Variants in INPP5A observed in about 807,000 individuals in gnomAD.
The protein encoded by INPP5A is inositol polyphosphate-5-phosphatase A.
INPP5A carries 14 observed loss-of-function variants against 65.2 expected under a neutral mutation model. That is an observed-to-expected ratio of 0.21 (90% confidence interval 0.14 to 0.34). The LOEUF is 0.34. Among genes scored for constraint, INPP5A ranks in the 10% least tolerant of loss-of-function variants. The pLI is 1.00. For synonymous variants in INPP5A, 207 were observed against 208.3 expected, an observed-to-expected ratio of 0.99 and a Z score of 0.05; for missense variants, 431 against 545.6, an observed-to-expected ratio of 0.79 and a Z score of 2.09.
chr10:132,761,065 A>C (rs1846724222), intron 11 of INPP5A, among the ~76,000 whole-genome samples: 1 of 152,228 alleles, frequency 6.6e-6, no homozygotes, highest in Non-Finnish European at 1.5e-5. Context: ...TTGGATTCTT[A>C]GACTAAAAAT....
At chr10:132,740,335 G>A (rs1002583234) in intron 9 of INPP5A, among the ~76,000 whole-genome samples, 8 of 152,180 alleles carry the variant, frequency 5.3e-5, no homozygotes, top group Non-Finnish European at 1.2e-4. Flanking sequence ...GCAGTGGTCC[G>A]GACCCTCAGG....
chr10:132,757,274 C>T (rs1846640146), intron 11 of INPP5A, among the ~76,000 whole-genome samples: 1 of 152,240 alleles, frequency 6.6e-6, no homozygotes, highest in Non-Finnish European at 1.5e-5. Context: ...CCCGCTCACC[C>T]CCGCCCGCTC....
At chr10:132,736,430 G>A (rs1846177527) in intron 9 of INPP5A, among the ~76,000 whole-genome samples, 1 of 152,254 alleles carries the variant, frequency 6.6e-6, no homozygotes, top group South Asian at 2.1e-4. Flanking sequence ...ACAGGTACAT[G>A]CTCAGGTGCC....
chr10:132,571,299 G>A (rs554427020), intron 1 of INPP5A, among the ~76,000 whole-genome samples: 196 of 152,364 alleles, frequency 1.3e-3, no homozygotes, highest in African/African-American at 4.1e-3. Context: ...GGCCATTGGC[G>A]CAAGGACACA....
At chr10:132,643,663 C>T (rs529250119) in intron 2 of INPP5A, among the ~76,000 whole-genome samples, 3 of 152,224 alleles carry the variant, frequency 2.0e-5, no homozygotes, top group Non-Finnish European at 4.4e-5. Flanking sequence ...TCAGCCTGGC[C>T]CAGGTCTGAG....
rs2134647119 is a variant in INPP5A at position 132,753,455 on chromosome 10, TTGTA to T, written c.903+3612_903+3615del. ...TCAGGCTGGCTCCTGAAAATAATTA[TTGTA>T]TTTTAAGAGTAGTAATCATTGGCCG... is the stretch of plus-strand genomic sequence containing the variant. On this transcript the variant is annotated intron_variant, in intron 11 of 15. Transcript: ENST00000368594. The surrounding 1 kb of genome is among the most constrained non-coding windows in gnomAD (Gnocchi z 5.3). Among the ~76,000 whole-genome samples the T allele has an allele frequency of 6.6e-6, 1 of 152,342 alleles. No homozygotes were observed. Among genetic ancestry groups the T allele is most frequent in the South Asian group, 2.1e-4 (1 of 4,830 alleles).
At chr10:132,732,444 G>T (rs189035619) in intron 9 of INPP5A, among the ~76,000 whole-genome samples, 1 of 152,358 alleles carries the variant, frequency 6.6e-6, no homozygotes, top group East Asian at 1.9e-4. Flanking sequence ...ATGATGTGTA[G>T]TGTAGAGTTC....
At chr10:132,598,597 G>A (rs1344354468) in intron 1 of INPP5A, among the ~76,000 whole-genome samples, 1 of 152,210 alleles carries the variant, frequency 6.6e-6, no homozygotes, top group Non-Finnish European at 1.5e-5. Flanking sequence ...TATGTGGATA[G>A]ACCACAATTG....
chr10:132,778,249 C>T (rs1028092285), intron 13 of INPP5A, among the ~76,000 whole-genome samples: 18 of 145,206 alleles, frequency 1.2e-4, no homozygotes, highest in African/African-American at 4.3e-4. Flanking sequence ...TTTCAGATGG[C>T]CTGGGCCTTG....
chr10:132,649,473 G>A (rs2072543533), intron 3 of INPP5A, among the ~76,000 whole-genome samples: 1 of 152,226 alleles, frequency 6.6e-6, no homozygotes. Flanking sequence ...TTTAGTGTTT[G>A]AGCCCTGTTT....
At chr10:132,763,780 C>T (rs181057343) in intron 11 of INPP5A, among the ~76,000 whole-genome samples, 28 of 151,816 alleles carry the variant, frequency 1.8e-4, no homozygotes, top group South Asian at 4.2e-4. Context: ...CACACATAAA[C>T]ACATGCCTGC....
At chr10:132,667,294 G>A (rs2072817659) in intron 4 of INPP5A, among the ~76,000 whole-genome samples, 2 of 152,162 alleles carry the variant, frequency 1.3e-5, no homozygotes, top group South Asian at 2.1e-4. Flanking sequence ...ATTTAAAGGG[G>A]CTTCAAAAGA....
intron 11 of INPP5A, among the ~76,000 whole-genome samples, chr10:132,755,364 A>G (rs1251670242): frequency 1.3e-5 from 2 of 149,426 alleles, no homozygotes; most frequent in African/African-American, 2.5e-5. Context: ...GCAGACATGC[A>G]TATGAGTGGG....
intron 8 of INPP5A, among the ~76,000 whole-genome samples, chr10:132,717,724 C>A (rs1479027376): frequency 1.4e-5 from 2 of 144,366 alleles, no homozygotes; most frequent in African/African-American, 5.3e-5. Flanking sequence ...TCTGTCTGGG[C>A]GCCTTAGACA....
rs1413809497 is a variant in INPP5A at position 132,651,452 on chromosome 10, G to T, written c.306+947G>T. Among the ~76,000 whole-genome samples, 10 of 141,260 alleles carry T rather than the reference G, an allele frequency of 7.1e-5. No individual in the cohort carries two copies. The highest frequency in any genetic ancestry group is 2.1e-4 in the Admixed American group (3 of 14,508). The allele number at this position is 141,260 out of a possible 152,430, so 92.7% of individuals were successfully genotyped here. ...CTCCCCCGTCTCTGGGGAGGCCCTG[G>T]GTCCCCCGGCTTGGGTCCATCTCCC... On this transcript the variant is annotated intron_variant, in intron 4 of 15. Coordinates refer to ENST00000368594, the MANE Select transcript of INPP5A (RefSeq NM_005539.5). The surrounding 1 kb of genome is among the most constrained non-coding windows in gnomAD (Gnocchi z 5.0).
At chr10:132,775,849 G>T (rs993815406) in intron 12 of INPP5A, among the ~76,000 whole-genome samples, 12 of 152,194 alleles carry the variant, frequency 7.9e-5, no homozygotes, top group Admixed American at 7.8e-4. Context: ...GCCCCCAGGG[G>T]ACGCCAGGTG....
intron 2 of INPP5A, among the ~76,000 whole-genome samples, chr10:132,635,385 G>GTTTTTTTTTTTTTTTTTT (rs1564943179): frequency 2.5e-5 from 1 of 40,138 alleles, no homozygotes. Flanking sequence ...CCTTTTTAAA[G>GTTTTTTTTTTTTTTTTTT]ATTTTTTTTT....
intron 1 of INPP5A, among the ~76,000 whole-genome samples, chr10:132,589,999 C>T (rs1564926437): frequency 6.6e-6 from 1 of 152,222 alleles, no homozygotes; most frequent in African/African-American, 2.4e-5. Context: ...GGGAGCCCCT[C>T]GACGAGACCC....
chr10:132,601,293 A>G (rs762800959), intron 1 of INPP5A, among the ~76,000 whole-genome samples: 1 of 152,226 alleles, frequency 6.6e-6, no homozygotes, highest in African/African-American at 2.4e-5. Flanking sequence ...TGACCATTTC[A>G]TATGTCTTCT....
Sources: gnomAD v4.1 joint callset for allele counts (sites outside exome capture counted in the v4.1 genomes callset) on GRCh38, gnomAD v4.1.1 for gene constraint, Gnocchi (gnomAD v3.1) non-coding constraint, MANE v1.5 for transcripts, NCBI Gene and HGNC (gene_info 2026-07-23, HGNC 2026-07-21) for gene names.